GSTCD: variants seen among roughly 807,000 people sequenced by gnomAD.
GSTCD encodes glutathione S-transferase C-terminal domain-containing protein.
Under a neutral mutation model 68.3 loss-of-function variants are expected in GSTCD, and 44 were observed. The observed-to-expected ratio is 0.64, with a 90% CI of 0.51 to 0.83. The LOEUF (loss-of-function observed/expected upper bound fraction) is 0.83, where lower values mean the gene tolerates loss of function less well. Ranked by LOEUF, GSTCD falls within the 40% of genes least tolerant of loss-of-function variation. The probability of loss-of-function intolerance (pLI) is 0.00; values close to 1 mark genes in which losing one functional copy is unlikely to be tolerated. For missense variants in GSTCD, 739 were observed against 735.9 expected (o/e 1.00, Z -0.05); for synonymous variants, 273 against 255.2 (o/e 1.07, Z -0.67).
At chr4:105,711,004 G>A (rs1331448589) in intron 1 of GSTCD, 2 of 152,114 alleles carry the variant, frequency 1.3e-5, no homozygotes, top group Admixed American at 1.3e-4. Flanking sequence ...AAAAATCTCA[G>A]TGTTTTTCTT....
At chr4:105,736,638 A>G (rs1362842488) in intron 5 of GSTCD, among the ~76,000 whole-genome samples, 1 of 152,138 alleles carries the variant, frequency 6.6e-6, no homozygotes, top group African/African-American at 2.4e-5. Context: ...CAGCTGTTTG[A>G]ACTGTTATTA....
chr4:105,719,197 A>G lies in GSTCD; in HGVS notation c.564A>G (p.Arg188=), dbSNP rs1042150305. ...AGAAAAAGCTTAGTGAGCCTGTTAG[A>G]GTGCATAATGATGATAAACTCCGCA... The part of the protein sequence containing the change: ...QLEKKLSEPV[R]VHNDDKLRRQ... Residue 188 remains arginine (R), a synonymous_variant, in exon 3 of 12, where the codon AGA becomes AGG. Transcript: ENST00000515279. 2.5e-6 allele frequency: 4 copies of G among 1,613,992 alleles called. No homozygotes were observed. In the African/African-American group the frequency reaches 5.3e-5, roughly 22 times the overall value.
At chr4:105,793,754 T>TA (rs920322064) in intron 5 of GSTCD, among the ~76,000 whole-genome samples, 5 of 151,764 alleles carry the variant, frequency 3.3e-5, no homozygotes, top group African/African-American at 7.3e-5. Context: ...CACAAGCCAG[T>TA]AAAAAAAATT....
At chr4:105,726,877 T>C (rs751302689) in intron 4 of GSTCD, 47 bp downstream of exon 4, 1 of 1,429,926 alleles carries the variant, frequency 7.0e-7, no homozygotes, top group South Asian at 1.3e-5. Flanking sequence ...TGTGATAATA[T>C]TGCTGAGCAT....
intron 5 of GSTCD, among the ~76,000 whole-genome samples, chr4:105,749,888 T>C (rs986039405): frequency 2.0e-5 from 3 of 152,220 alleles, no homozygotes; most frequent in African/African-American, 4.8e-5. Flanking sequence ...AGCTATAGAC[T>C]GAAATAAAAT....
intron 5 of GSTCD, among the ~76,000 whole-genome samples, chr4:105,803,953 G>A (rs1216798692): frequency 6.6e-6 from 1 of 151,950 alleles, no homozygotes; most frequent in Non-Finnish European, 1.5e-5. Context: ...GTTGGTTAGG[G>A]ATATGTACAT....
intron 5 of GSTCD, among the ~76,000 whole-genome samples, chr4:105,734,247 G>A (rs1733372499): frequency 6.6e-6 from 1 of 152,130 alleles, no homozygotes; most frequent in African/African-American, 2.4e-5. Flanking sequence ...TTGCTAGGTT[G>A]GGGAAGTTCT....
At chr4:105,727,772 T>G (rs1733091688) in intron 4 of GSTCD, among the ~76,000 whole-genome samples, 1 of 152,108 alleles carries the variant, frequency 6.6e-6, no homozygotes. Flanking sequence ...TTGCAAAGTT[T>G]TCAACAATGG....
chr4:105,799,267 T>G (rs542968428), intron 5 of GSTCD, among the ~76,000 whole-genome samples: 1 of 152,320 alleles, frequency 6.6e-6, no homozygotes, highest in East Asian at 1.9e-4. Flanking sequence ...ATATCAGTAA[T>G]GAGGCATTTT....
chr4:105,784,397 C>T (rs1311599987), intron 5 of GSTCD, among the ~76,000 whole-genome samples: 1 of 152,102 alleles, frequency 6.6e-6, no homozygotes, highest in Non-Finnish European at 1.5e-5. Context: ...AACAATTCAC[C>T]CTCCCAATAA....
At position 105,770,012 on chromosome 4, in the gene GSTCD, G is replaced by T. The variant is rs55957403; in HGVS notation, c.1240+40513G>T. Among the ~76,000 whole-genome samples, 935 of 152,208 alleles carry T rather than the reference G, an allele frequency of 6.1e-3. 7 individuals carry two copies. Among genetic ancestry groups the T allele is most frequent in the African/African-American group, 0.021 (861 of 41,514 alleles). On this transcript the variant is annotated intron_variant, in intron 5 of 11. Transcript: ENST00000515279. ...GAGTTTAAGCAATCCTCCCACCTCAGCCTCCCAAAATGCTAGGATTACAGG... is the reference window on the plus strand; with the variant it reads ...GAGTTTAAGCAATCCTCCCACCTCATCCTCCCAAAATGCTAGGATTACAGG...
At chr4:105,841,941 A>C in intron 10 of GSTCD, 124 bp from the exon 11 acceptor site, 1 of 682,674 alleles carries the variant, frequency 1.5e-6, no homozygotes, top group South Asian at 1.7e-5. Context: ...CTATTTGTGC[A>C]GTACTTTATT....
At position 105,754,068 on chromosome 4, in the gene GSTCD, G is replaced by T. The variant is rs546234771; in HGVS notation, c.1240+24569G>T. Reference sequence around the variant, plus strand: ...GGAATTAATTAGTACTATTCATTACGATTGAAATTGGCATTCTCTGTGCTA... The same window carrying T: ...GGAATTAATTAGTACTATTCATTACTATTGAAATTGGCATTCTCTGTGCTA... On this transcript the variant is annotated intron_variant, in intron 5 of 11. Coordinates refer to ENST00000515279, the MANE Select transcript of GSTCD (RefSeq NM_001370181.1). Among the ~76,000 whole-genome samples the T allele has an allele frequency of 1.1e-4, 16 of 151,954 alleles. No homozygotes were observed. In the South Asian group the frequency reaches 3.3e-3, roughly 32 times the overall value.
chr4:105,813,115 G>T (rs1276387853), intron 5 of GSTCD, among the ~76,000 whole-genome samples: 2 of 152,044 alleles, frequency 1.3e-5, no homozygotes, highest in Non-Finnish European at 2.9e-5. Flanking sequence ...ACCAAAGCAA[G>T]CTACTTCATT....
rs987609628 is a variant in GSTCD, at chr4:105,723,752, A to T, written c.895-2827A>T. 4.5e-4 allele frequency among the ~76,000 whole-genome samples: 69 copies of T among 151,718 alleles called. 1 individual carries two copies. Among genetic ancestry groups the T allele is most frequent in the Middle Eastern group, 3.2e-3 (1 of 316 alleles). On this transcript the variant is annotated intron_variant, in intron 3 of 11. Transcript: ENST00000515279. ...TATAAATAATTACAAAATAACTTAT[A>T]GGATGTGTACTCTGATATTTTCTAT...
chr4:105,776,669 A>C (rs1735079755), intron 5 of GSTCD, among the ~76,000 whole-genome samples: 5 of 152,058 alleles, frequency 3.3e-5, no homozygotes, highest in Non-Finnish European at 1.5e-5. Flanking sequence ...GGCTGTACCC[A>C]CTGTCTAACC....
intron 5 of GSTCD, among the ~76,000 whole-genome samples, chr4:105,787,407 AATAC>A (rs1272224818): frequency 1.3e-5 from 2 of 152,052 alleles, no homozygotes; most frequent in Non-Finnish European, 2.9e-5. Context: ...TGCCTGTTAA[AATAC>A]ATATTTTAAG....
chr4:105,841,660 A>T (rs1262388453), intron 10 of GSTCD, among the ~76,000 whole-genome samples: 1 of 130,960 alleles, frequency 7.6e-6, no homozygotes, highest in African/African-American at 2.6e-5. Context: ...ACATGGTGAA[A>T]CCCCGTTTCT....
At chr4:105,711,902 AT>A (rs1732550682) in intron 1 of GSTCD, among the ~76,000 whole-genome samples, 1 of 152,146 alleles carries the variant, frequency 6.6e-6, no homozygotes, top group East Asian at 1.9e-4. Flanking sequence ...TGCTTGCTTT[AT>A]TTATGAGTTT....
Sources: allele counts gnomAD v4.1 joint callset (sites outside exome capture counted in the v4.1 genomes callset), GRCh38; gene constraint gnomAD v4.1.1; transcripts MANE v1.5; gene names NCBI Gene and HGNC (gene_info 2026-07-23, HGNC 2026-07-21).